TTC6: variants seen among roughly 807,000 people sequenced by gnomAD.
TTC6 encodes tetratricopeptide repeat protein 6.
A neutral mutation model predicts 210.4 loss-of-function variants in TTC6; 172 were observed. The observed-to-expected ratio is 0.82, with a 90% confidence interval of 0.72 to 0.93. TTC6 has a LOEUF of 0.93. Among genes scored for constraint, TTC6 ranks in the 40% least tolerant of loss-of-function variants. TTC6 has a pLI of 0.00. For missense variants in TTC6, 2,414 were observed against 2,318.1 expected, an observed-to-expected ratio of 1.04 and a Z score of -0.85; for synonymous variants, 804 against 819.6, an observed-to-expected ratio of 0.98 and a Z score of 0.32.
intron 14 of TTC6, among the ~76,000 whole-genome samples, chr14:37,778,625 G>A (rs1385235283): frequency 6.6e-6 from 1 of 152,132 alleles, no homozygotes; most frequent in Non-Finnish European, 1.5e-5. Context: ...GAGTTGGGGA[G>A]GCCCTGGTGG....
At chr14:37,740,093 G>A (rs12435122) in intron 10 of TTC6, among the ~76,000 whole-genome samples, 93,134 of 150,148 alleles carry the variant, frequency 0.62, 30,015 homozygotes, top group East Asian at 0.89. Flanking sequence ...GAACCCAGGA[G>A]GTGGAGCTTG....
At chr14:37,835,728 G>C (rs1431677157) in intron 29 of TTC6, among the ~76,000 whole-genome samples, 1 of 152,178 alleles carries the variant, frequency 6.6e-6, no homozygotes, top group Non-Finnish European at 1.5e-5. Context: ...TTAGAAAGTG[G>C]TAAGATCAAC....
intron 16 of TTC6, 53 bp downstream of exon 18, chr14:37,790,890 C>A (rs2096077792): frequency 1.4e-6 from 2 of 1,446,028 alleles, no homozygotes; most frequent in East Asian, 2.5e-5. Context: ...AAATCGAAAA[C>A]CTGAAATGGG....
At chr14:37,683,575 T>G (rs958400314) in intron 3 of TTC6, among the ~76,000 whole-genome samples, 1 of 152,074 alleles carries the variant, frequency 6.6e-6, no homozygotes. Flanking sequence ...GAGAGAGAGA[T>G]AACATATTCA....
chr14:37,653,730 A>G (rs577630632), intron 1 of TTC6, among the ~76,000 whole-genome samples: 104 of 152,242 alleles, frequency 6.8e-4, no homozygotes, highest in African/African-American at 2.3e-3. Flanking sequence ...CTGGGCTTTC[A>G]TTTTAGAAAA....
At chr14:37,817,073 G>C (rs896134445) in intron 25 of TTC6, among the ~76,000 whole-genome samples, 5 of 152,164 alleles carry the variant, frequency 3.3e-5, no homozygotes, top group Non-Finnish European at 7.3e-5. Context: ...CTCACCAGAA[G>C]TGTGGATTCC....
rs1280101422 is a variant in TTC6 at position 37,812,302 on chromosome 14, G to T, written c.4570-12G>T. The T allele has an allele frequency of 6.2e-6, 10 of 1,606,980 alleles. No individual in the cohort carries two copies. The highest frequency in any genetic ancestry group is 8.5e-6 in the Non-Finnish European group (10 of 1,177,454). ...AAAAAGTTGAATCTATGTTACAAAT[G>T]ATTATTTTTAGGCATTAACAGATTA... On this transcript the variant is annotated splice_polypyrimidine_tract_variant and intron_variant, in intron 24 of 30. Coordinates refer to ENST00000553443, the Ensembl canonical transcript of TTC6.
At chr14:37,729,789 T>C (rs898910075) in intron 7 of TTC6, among the ~76,000 whole-genome samples, 5 of 152,172 alleles carry the variant, frequency 3.3e-5, no homozygotes, top group Non-Finnish European at 7.3e-5. Context: ...GTCTGTAATA[T>C]GAGTGCAATG....
At chr14:37,688,686 C>G (rs773607990) in intron 3 of TTC6, among the ~76,000 whole-genome samples, 2 of 152,158 alleles carry the variant, frequency 1.3e-5, no homozygotes, top group Non-Finnish European at 2.9e-5. Flanking sequence ...GATAATTCTT[C>G]CAGATCTTGT....
intron 23 of TTC6, among the ~76,000 whole-genome samples, chr14:37,808,076 A>T (rs1295964152): frequency 6.6e-6 from 1 of 152,168 alleles, no homozygotes; most frequent in East Asian, 1.9e-4. Context: ...CTTAAACAGA[A>T]GTTACTGGGT....
chr14:37,774,249 CT>C (rs946269746), intron 14 of TTC6, among the ~76,000 whole-genome samples: 7 of 151,500 alleles, frequency 4.6e-5, no homozygotes, highest in Middle Eastern at 3.4e-3. Flanking sequence ...TGGATTCCTA[CT>C]TTTTTTTTCT....
At chr14:37,609,807 A>C (rs2095631287) in intron 2 of TTC6, among the ~76,000 whole-genome samples, 1 of 152,116 alleles carries the variant, frequency 6.6e-6, no homozygotes, top group Non-Finnish European at 1.5e-5. Flanking sequence ...CACTTTGGCT[A>C]TTTGTTTATT....
chr14:37,775,544 A>C (rs551215715), intron 14 of TTC6, among the ~76,000 whole-genome samples: 56 of 152,216 alleles, frequency 3.7e-4, no homozygotes, highest in Middle Eastern at 6.8e-3. Flanking sequence ...GCTTTTGAGC[A>C]ATTTTCTTAG....
chr14:37,689,730 C>G (rs2138605738), intron 3 of TTC6, among the ~76,000 whole-genome samples: 1 of 152,120 alleles, frequency 6.6e-6, no homozygotes, highest in South Asian at 2.1e-4. Context: ...AATTATCCTT[C>G]AGACATGAAG....
intron 1 of TTC6, among the ~76,000 whole-genome samples, chr14:37,639,104 A>G (rs75661976): frequency 0.011 from 1,685 of 152,338 alleles, 23 homozygotes; most frequent in South Asian, 0.03. Context: ...ATTGCTATGT[A>G]TAACTTATTA....
intron 10 of TTC6, among the ~76,000 whole-genome samples, chr14:37,743,587 A>G (rs1307270005): frequency 1.3e-5 from 2 of 152,236 alleles, no homozygotes; most frequent in African/African-American, 4.8e-5. Flanking sequence ...GTATGTGTGT[A>G]TAATAGTGCT....
chr14:37,750,929 TAAG>T (rs1431593633), intron 12 of TTC6, 121 bp from the exon 15 acceptor site: 9 of 513,678 alleles, frequency 1.8e-5, no homozygotes, highest in Non-Finnish European at 2.6e-5. Context: ...GATAAACTAA[TAAG>T]AAAGTGTAAT....
chr14:37,680,053 C>A, intron 1 of TTC6, 98 bp from the exon 4 acceptor site: 2 of 663,650 alleles, frequency 3.0e-6, no homozygotes, highest in Non-Finnish European at 5.0e-6. Context: ...CTCTATTTTT[C>A]ATTTACTACA....
downstream of TTC6, chr14:37,842,566 C>A (rs373568424): frequency 1.3e-5 from 3 of 232,406 alleles, no homozygotes; most frequent in East Asian, 1.8e-4. Context: ...ATAGGAATGT[C>A]TCTTAACATT....
Sources: allele counts gnomAD v4.1 joint callset (sites outside exome capture counted in the v4.1 genomes callset), GRCh38; gene constraint gnomAD v4.1.1; transcripts MANE v1.5; gene names NCBI Gene and HGNC (gene_info 2026-07-23, HGNC 2026-07-21).